The following DACH1 variants were observed in gnomAD, a reference collection of about 807,000 sequenced individuals.
DACH1 encodes dachshund homolog 1.
In DACH1, 12 loss-of-function variants were observed where a neutral mutation model predicts 54.2. That is an observed-to-expected ratio of 0.22 (90% CI 0.14 to 0.36). The LOEUF (loss-of-function observed/expected upper bound fraction) is 0.36, where lower values mean the gene tolerates loss of function less well. Among genes scored for constraint, DACH1 ranks in the 10% least tolerant of loss-of-function variants. The pLI, the probability that DACH1 is intolerant of heterozygous loss-of-function variation, is 1.00. For synonymous variants in DACH1, 386 were observed against 366.2 expected (o/e 1.05, Z -0.62); for missense variants, 805 against 929.8 (o/e 0.87, Z 1.75).
chr13:71,591,383 C>T (rs1873698876), intron 3 of DACH1, among the ~76,000 whole-genome samples: 1 of 152,062 alleles, frequency 6.6e-6, no homozygotes, highest in South Asian at 2.1e-4. Flanking sequence ...GGTTTCAGGA[C>T]TTCTTTATAC....
At chr13:71,492,952 A>G (rs1879111028) in intron 6 of DACH1, among the ~76,000 whole-genome samples, 1 of 151,864 alleles carries the variant, frequency 6.6e-6, no homozygotes, top group South Asian at 2.1e-4. Flanking sequence ...TTCCAATTGT[A>G]TTATTTTTGA....
chr13:71,791,256 G>A (rs537489135), intron 1 of DACH1, among the ~76,000 whole-genome samples: 4 of 152,228 alleles, frequency 2.6e-5, no homozygotes, highest in Admixed American at 1.3e-4. Context: ...TCTTTCGGAC[G>A]TCAAACAATG....
chr13:71,513,280 T>G (rs1880916547), intron 6 of DACH1, among the ~76,000 whole-genome samples: 1 of 151,942 alleles, frequency 6.6e-6, no homozygotes, highest in African/African-American at 2.4e-5. Flanking sequence ...AGAACAAAGG[T>G]AAACTTTATC....
intron 2 of DACH1, among the ~76,000 whole-genome samples, chr13:71,657,092 G>C (rs1389462191): frequency 6.6e-6 from 1 of 150,560 alleles, no homozygotes; most frequent in Non-Finnish European, 1.5e-5. Flanking sequence ...CTGCTTCTTA[G>C]TTATAAATTA....
intron 3 of DACH1, among the ~76,000 whole-genome samples, chr13:71,578,529 C>T (rs201635525): frequency 1.1e-4 from 16 of 152,114 alleles, no homozygotes; most frequent in East Asian, 3.9e-4. Flanking sequence ...GCATGAGTTG[C>T]GGAAACAGTC....
Position 71,764,106 on chromosome 13 carries a change from T to C in DACH1, c.849-82196A>G, listed in dbSNP as rs569291192. Among the ~76,000 whole-genome samples, 6 of 152,292 alleles carry C rather than the reference T, an allele frequency of 3.9e-5. No homozygotes were observed. In the East Asian group the frequency reaches 9.7e-4, roughly 24 times the overall value. ...TCATTATCATTATAAATAATAACAA[T>C]AATTATTTGCCTTTATGTGCACTTC... On this transcript the variant is annotated intron_variant, in intron 1 of 10. Coordinates refer to ENST00000613252, the MANE Select transcript of DACH1 (RefSeq NM_080759.6).
At chr13:71,610,023 T>C (rs1043988609) in intron 3 of DACH1, among the ~76,000 whole-genome samples, 1 of 152,178 alleles carries the variant, frequency 6.6e-6, no homozygotes, top group African/African-American at 2.4e-5. Context: ...TATTCAACTT[T>C]GTTCTAAAGT....
chr13:71,490,447 G>A (rs1167745793), intron 6 of DACH1, among the ~76,000 whole-genome samples: 5 of 152,206 alleles, frequency 3.3e-5, no homozygotes, highest in Non-Finnish European at 5.9e-5. Context: ...GGGGAGTAAC[G>A]GCCAGAAGGC....
intron 3 of DACH1, among the ~76,000 whole-genome samples, chr13:71,597,784 T>C (rs1168055399): frequency 6.6e-6 from 1 of 152,074 alleles, no homozygotes; most frequent in Non-Finnish European, 1.5e-5. Flanking sequence ...CTCAAAAAAT[T>C]GGAGGCCCTA....
rs1019170775 is a variant in DACH1 at position 71,717,448 on chromosome 13, T to C, written c.849-35538A>G. Reference sequence around the variant, plus strand: ...AGATAGCAGTTCATGCCTCATTGATTAGTTTGCTAAGGTGGTGACCAGAAA... The same window carrying C: ...AGATAGCAGTTCATGCCTCATTGATCAGTTTGCTAAGGTGGTGACCAGAAA... On this transcript the variant is annotated intron_variant, in intron 1 of 10. Transcript: ENST00000613252. Among the ~76,000 whole-genome samples the C allele has an allele frequency of 1.4e-4, 21 of 151,734 alleles. 1 individual carries two copies. The highest frequency in any genetic ancestry group is 4.6e-4 in the Admixed American group (7 of 15,204).
intron 2 of DACH1, among the ~76,000 whole-genome samples, chr13:71,636,333 T>A (rs2138584433): frequency 6.6e-6 from 1 of 152,268 alleles, no homozygotes; most frequent in South Asian, 2.1e-4. Flanking sequence ...ATTCTAAATC[T>A]AATTTTATCA....
In DACH1 at chr13:71,571,174, A is replaced by C. The variant is rs144463392; in HGVS notation, c.1299+1666T>G. Reference sequence around the variant, plus strand: ...TTTTAAAAGTAAAAATTACATAATTAATATTATGAGATGATTCTTTATAGT... The same window carrying C: ...TTTTAAAAGTAAAAATTACATAATTCATATTATGAGATGATTCTTTATAGT... On this transcript the variant is annotated intron_variant, in intron 4 of 10. Transcript: ENST00000613252. Among the ~76,000 whole-genome samples, 717 of 152,302 alleles carry C rather than the reference A, an allele frequency of 4.7e-3. 6 individuals are homozygous for C. Among genetic ancestry groups the C allele is most frequent in the African/African-American group, 0.016 (659 of 41,566 alleles).
intron 1 of DACH1, among the ~76,000 whole-genome samples, chr13:71,828,707 T>A (rs1351322425): frequency 6.6e-6 from 1 of 151,926 alleles, no homozygotes; most frequent in African/African-American, 2.4e-5. Flanking sequence ...TTGTCTTCAT[T>A]ACATGGTGCC....
intron 1 of DACH1, among the ~76,000 whole-genome samples, chr13:71,727,497 A>G (rs559414511): frequency 6.6e-6 from 1 of 152,252 alleles, no homozygotes; most frequent in African/African-American, 2.4e-5. Flanking sequence ...CTGAGTGATT[A>G]TTCTTTATTT....
intron 4 of DACH1, among the ~76,000 whole-genome samples, 182 bp downstream of exon 4, chr13:71,572,658 A>T (rs989740395): frequency 1.2e-4 from 18 of 152,114 alleles, no homozygotes; most frequent in Admixed American, 9.2e-4. Context: ...ATTTAAAGCA[A>T]CCCTAGCCTG....
intron 6 of DACH1, among the ~76,000 whole-genome samples, chr13:71,523,187 A>C (rs1021072645): frequency 5.9e-5 from 9 of 152,146 alleles, no homozygotes; most frequent in Non-Finnish European, 1.2e-4. Context: ...TGTCACAAAC[A>C]ACATTTCAGA....
intron 2 of DACH1, among the ~76,000 whole-genome samples, chr13:71,658,613 T>A (rs1879293494): frequency 6.6e-6 from 1 of 152,190 alleles, no homozygotes; most frequent in Non-Finnish European, 1.5e-5. Flanking sequence ...ATTACTTATT[T>A]TAATCTCCTT....
chr13:71,762,859 A>G (rs753685473), intron 1 of DACH1, among the ~76,000 whole-genome samples: 1 of 151,758 alleles, frequency 6.6e-6, no homozygotes, highest in East Asian at 1.9e-4. Context: ...ATTTGGTACT[A>G]TTAATATTGG....
At chr13:71,581,645 T>A (rs1235775695) in intron 3 of DACH1, among the ~76,000 whole-genome samples, 1 of 152,186 alleles carries the variant, frequency 6.6e-6, no homozygotes, top group African/African-American at 2.4e-5. Context: ...TGGAACTTAG[T>A]AACTATTGAG....
Sources: allele counts gnomAD v4.1 joint callset (sites outside exome capture counted in the v4.1 genomes callset), GRCh38; gene constraint gnomAD v4.1.1; transcripts MANE v1.5; gene names NCBI Gene and HGNC (gene_info 2026-07-23, HGNC 2026-07-21).